TMC1: variants seen among roughly 807,000 people sequenced by gnomAD.
TMC1 encodes the protein transmembrane channel-like protein 1.
TMC1 carries 84 observed loss-of-function variants against 105.8 expected under a neutral mutation model. The observed-to-expected ratio is 0.79, with a 90% CI of 0.67 to 0.95. The LOEUF (loss-of-function observed/expected upper bound fraction) is 0.95, where lower values mean the gene tolerates loss of function less well. TMC1 is among the 40% of genes least tolerant of loss of function. TMC1 has a pLI of 0.00. For missense variants in TMC1, 817 were observed against 914.1 expected, an observed-to-expected ratio of 0.89 and a Z score of 1.37; for synonymous variants, 315 against 311.5, an observed-to-expected ratio of 1.01 and a Z score of -0.12.
intron 1 of TMC1, among the ~76,000 whole-genome samples, chr9:72,551,279 T>C (rs540812018): frequency 6.6e-6 from 1 of 152,354 alleles, no homozygotes; most frequent in Admixed American, 6.5e-5. Flanking sequence ...GGTAATTTGT[T>C]ACAGCAATAG....
intron 4 of TMC1, among the ~76,000 whole-genome samples, chr9:72,633,947 CA>C (rs1825490704): frequency 1.3e-5 from 2 of 152,094 alleles, no homozygotes; most frequent in Non-Finnish European, 2.9e-5. Flanking sequence ...ACAGAAAAAC[CA>C]ATACATCAAG....
intron 2 of TMC1, among the ~76,000 whole-genome samples, chr9:72,579,326 G>A (rs1824437713): frequency 6.6e-6 from 1 of 152,068 alleles, no homozygotes; most frequent in African/African-American, 2.4e-5. Flanking sequence ...TTTGGTCTCT[G>A]CTCTCCAGGA....
intron 12 of TMC1, among the ~76,000 whole-genome samples, chr9:72,771,077 G>A (rs1444880128): frequency 6.6e-6 from 1 of 152,118 alleles, no homozygotes; most frequent in Admixed American, 6.6e-5. Context: ...TCACAAGTTG[G>A]CTTTATTTTT....
At chr9:72,590,010 C>T (rs1824610869) in intron 2 of TMC1, among the ~76,000 whole-genome samples, 1 of 152,178 alleles carries the variant, frequency 6.6e-6, no homozygotes, top group Non-Finnish European at 1.5e-5. Flanking sequence ...GCTATGCTGA[C>T]TTATCTTGTG....
intron 1 of TMC1, among the ~76,000 whole-genome samples, chr9:72,533,537 A>T (rs894123871): frequency 1.3e-5 from 2 of 152,184 alleles, no homozygotes; most frequent in African/African-American, 2.4e-5. Flanking sequence ...AATCTAAAGG[A>T]GATGCAGTCC....
intron 12 of TMC1, among the ~76,000 whole-genome samples, chr9:72,756,304 A>G (rs1827675918): frequency 6.6e-6 from 1 of 152,216 alleles, no homozygotes; most frequent in South Asian, 2.1e-4. Context: ...GATGCTGTGC[A>G]CAAAGTTAGC....
intron 8 of TMC1, among the ~76,000 whole-genome samples, chr9:72,729,582 C>G (rs1044495244): frequency 6.6e-6 from 1 of 152,056 alleles, no homozygotes; most frequent in Non-Finnish European, 1.5e-5. Flanking sequence ...AATATAGTAG[C>G]TTTTTAGCCC....
intron 1 of TMC1, among the ~76,000 whole-genome samples, chr9:72,551,396 C>G (rs894851478): frequency 6.6e-6 from 1 of 152,102 alleles, no homozygotes; most frequent in African/African-American, 2.4e-5. Flanking sequence ...AGAAACAAAG[C>G]AAAACAAAGC....
chr9:72,739,279 C>T (rs1300452215), intron 8 of TMC1, among the ~76,000 whole-genome samples: 1 of 152,160 alleles, frequency 6.6e-6, no homozygotes, highest in African/African-American at 2.4e-5. Flanking sequence ...GAGGGTTCTA[C>T]CCCCATGGCC....
intron 2 of TMC1, among the ~76,000 whole-genome samples, chr9:72,599,732 C>T (rs1002049095): frequency 4.0e-5 from 6 of 151,124 alleles, no homozygotes. Flanking sequence ...GTCACTTGAA[C>T]CCAGGAGATG....
chr9:72,547,484 AGTTTCAGCATTGCCAT>A (rs1219505475), intron 1 of TMC1, among the ~76,000 whole-genome samples: 1 of 152,168 alleles, frequency 6.6e-6, no homozygotes, highest in African/African-American at 2.4e-5. Flanking sequence ...TCTTGGCCAT[AGTTTCAGCATTGCCAT>A]GTCCTTGGTC....
intron 5 of TMC1, among the ~76,000 whole-genome samples, chr9:72,670,944 T>C (rs1277188791): frequency 6.6e-6 from 1 of 152,214 alleles, no homozygotes; most frequent in African/African-American, 2.4e-5. Flanking sequence ...AAGACCACTG[T>C]AACCTCTTAG....
At chr9:72,760,793 C>T (rs1827744417) in intron 12 of TMC1, among the ~76,000 whole-genome samples, 1 of 152,114 alleles carries the variant, frequency 6.6e-6, no homozygotes, top group Non-Finnish European at 1.5e-5. Flanking sequence ...TGGGAAGGAT[C>T]AGAAAATCTT....
Position 72,820,950 on chromosome 9 carries a change from C to T in TMC1, c.1872C>T (p.Ala624=). ...TTATGTGCTGCAATGTTCCTGAGGC[C>T]AGGGTCTTCAAAGCTTCCAGATCAA... is the stretch of plus-strand genomic sequence containing the variant. The part of the protein sequence containing the change: ...WAVMCCNVPE[A]RVFKASRSNN... The change falls in exon 20 of 24, where the codon GCC becomes GCT. Residue 624 remains alanine, a synonymous_variant. Transcript: ENST00000297784. 1 of 1,614,140 alleles carries T rather than the reference C, an allele frequency of 6.2e-7. No individual in the cohort carries two copies. The highest frequency in any genetic ancestry group is 8.5e-7 in the Non-Finnish European group (1 of 1,180,026).
chr9:72,548,584 A>G (rs1295398852), intron 1 of TMC1, among the ~76,000 whole-genome samples: 1 of 150,744 alleles, frequency 6.6e-6, no homozygotes, highest in Non-Finnish European at 1.5e-5. Flanking sequence ...AAAAAAAAAA[A>G]GTCTACAGTA....
At chr9:72,656,952 T>C (rs1825893814) in intron 5 of TMC1, among the ~76,000 whole-genome samples, 1 of 152,220 alleles carries the variant, frequency 6.6e-6, no homozygotes, top group Non-Finnish European at 1.5e-5. Context: ...CTCCTCTGAC[T>C]GGTTGGTAGC....
At chr9:72,582,070 G>A (rs1824484785) in intron 2 of TMC1, among the ~76,000 whole-genome samples, 1 of 152,112 alleles carries the variant, frequency 6.6e-6, no homozygotes, top group East Asian at 1.9e-4. Flanking sequence ...CGATTCTTCT[G>A]CTTCAGCCTC....
chr9:72,595,254 T>C (rs977330288), intron 2 of TMC1, among the ~76,000 whole-genome samples: 1 of 152,192 alleles, frequency 6.6e-6, no homozygotes, highest in African/African-American at 2.4e-5. Context: ...GTTACTTCCC[T>C]GTATCTGGTG....
At chr9:72,642,453 A>T (rs1208379848) in intron 4 of TMC1, among the ~76,000 whole-genome samples, 1 of 152,198 alleles carries the variant, frequency 6.6e-6, no homozygotes, top group Non-Finnish European at 1.5e-5. Flanking sequence ...ATCTCTAGGG[A>T]TTGGACAGGC....
Sources: gnomAD v4.1 joint callset for allele counts (sites outside exome capture counted in the v4.1 genomes callset) on GRCh38, gnomAD v4.1.1 for gene constraint, MANE v1.5 for transcripts, NCBI Gene and HGNC (gene_info 2026-07-23, HGNC 2026-07-21) for gene names.